The following ZNF10 variants were observed in gnomAD, a reference collection of about 807,000 sequenced individuals.
The protein encoded by ZNF10 is zinc finger protein 10.
Under a neutral mutation model 12.2 loss-of-function variants are expected in ZNF10, and 8 were observed. The observed-to-expected ratio is 0.66, with a 90% CI of 0.39 to 1.18. ZNF10 has a LOEUF of 1.18. ZNF10 is among the 50% of genes most tolerant of loss of function. ZNF10 has a pLI of 0.01. For missense variants in ZNF10, 603 were observed against 678.9 expected, an observed-to-expected ratio of 0.89 and a Z score of 1.24; for synonymous variants, 229 against 228.2, an observed-to-expected ratio of 1.00 and a Z score of -0.03.
intron 1 of ZNF10, among the ~76,000 whole-genome samples, chr12:133,137,856 C>G (rs1367211047): frequency 1.3e-5 from 2 of 152,180 alleles, no homozygotes; most frequent in Non-Finnish European, 2.9e-5. Flanking sequence ...AACAAAACTT[C>G]TCCCAGTATC....
chr12:133,145,375 A>T (rs924148247), intron 2 of ZNF10, among the ~76,000 whole-genome samples: 2 of 152,208 alleles, frequency 1.3e-5, no homozygotes, highest in Non-Finnish European at 2.9e-5. Context: ...ACTGCAGCAG[A>T]TGGCACTTCT....
At position 133,157,182 on chromosome 12, in the gene ZNF10, C is replaced by T. The variant is rs1187300524; in HGVS notation, c.*214C>T. The T allele has an allele frequency of 4.0e-5, 16 of 399,356 alleles. No individual in the cohort carries two copies. Among genetic ancestry groups the T allele is most frequent in the Non-Finnish European group, 5.5e-5 (13 of 236,336 alleles). 24.7% of individuals were successfully genotyped at this position (399,356 alleles called of 1,614,324 possible). A position where few individuals can be genotyped will look rare whatever the true frequency, so the allele number is the denominator to read the frequency against. ...ATTTTCTTCTTTTCATGAATTCCTA[C>T]AGAAGTAATTGGCCTGAGAGCATTC... On this transcript the variant is annotated 3_prime_UTR_variant, in exon 5 of 5. Transcript: ENST00000248211.
chr12:133,155,725 A>G lies in ZNF10; in HGVS notation c.479A>G (p.Gln160Arg). The G allele has an allele frequency of 1.9e-6, 3 of 1,612,058 alleles. No individual in the cohort carries two copies. Among genetic ancestry groups the G allele is most frequent in the African/African-American group, 1.3e-5 (1 of 74,922 alleles). The change falls in exon 5 of 5, where the codon CAG becomes CGG. Residue 160 changes from glutamine (Q) to arginine (R), a missense_variant. Physicochemically the swap from Gln to Arg is conservative, Grantham distance 43. This residue lies in a region of ZNF10 where 393 missense variants were observed against 399.7 expected (regional missense o/e 0.98). Transcript: ENST00000248211. ...VAFTQKKVLT[Q>R]ERVSESGKYG... ...TTCACCCAAAAGAAAGTACTTACTC[A>G]GGAGAGAGTCTCTGAAAGTGGTAAA... is the stretch of plus-strand genomic sequence containing the variant.
intron 4 of ZNF10, 24 bp from the exon 5 acceptor site, chr12:133,155,479 A>G: frequency 6.4e-7 from 1 of 1,556,474 alleles, no homozygotes; most frequent in Non-Finnish European, 8.6e-7. Context: ...GTTTAGTTAC[A>G]CAAACATTTT....
chr12:133,134,097 G>A (rs147226363), intron 1 of ZNF10, among the ~76,000 whole-genome samples: 1,564 of 147,734 alleles, frequency 0.011, 29 homozygotes, highest in African/African-American at 0.037. Context: ...TCAGGAGTTC[G>A]AGACCAGCCT....
In ZNF10 at chr12:133,156,548, G is replaced by A. The variant is rs770979495; in HGVS notation, c.1302G>A (p.Glu434=). The A allele has an allele frequency of 2.5e-6, 4 of 1,613,668 alleles. No homozygotes were observed. Among genetic ancestry groups the A allele is most frequent in the East Asian group, 4.5e-5 (2 of 44,884 alleles). ...HRIHTGLKPF[E]CKDCGKCFSR... is the part of the protein sequence containing the mutation. ...TTCACACTGGACTAAAACCTTTTGA[G>A]TGTAAGGATTGTGGAAAATGTTTTA... Residue 434 remains glutamate (E), a synonymous_variant, in exon 5 of 5, where the codon GAG becomes GAA. Coordinates refer to ENST00000248211, the MANE Select transcript of ZNF10 (RefSeq NM_015394.5).
In ZNF10 at chr12:133,151,164, G is replaced by T; in HGVS notation, c.160+10G>T. The stretch of plus-strand genomic sequence containing the variant: ...AACCTGGTTTCCTTGGGTAAGACTA[G>T]CTCTGTTTTTGAAGATTTTGGTTCT... On this transcript the variant is annotated intron_variant, in intron 3 of 4. Transcript: ENST00000248211. 1 of 1,607,090 alleles carries T rather than the reference G, an allele frequency of 6.2e-7. No homozygotes were observed. Among genetic ancestry groups the T allele is most frequent in the Non-Finnish European group, 8.5e-7 (1 of 1,175,780 alleles).
At chr12:133,148,229 T>G (rs1955987077) in intron 2 of ZNF10, among the ~76,000 whole-genome samples, 1 of 152,182 alleles carries the variant, frequency 6.6e-6, no homozygotes, top group South Asian at 2.1e-4. Flanking sequence ...GAAGCGATTC[T>G]CATGCCTCAG....
chr12:133,142,430 T>G lies in ZNF10; in HGVS notation c.-59-2004T>G, dbSNP rs996336078. Among the ~76,000 whole-genome samples, 188 of 85,438 alleles carry G rather than the reference T, an allele frequency of 2.2e-3. 1 individual carries two copies. The highest frequency in any genetic ancestry group is 6.4e-3 in the Middle Eastern group (1 of 156). 56.1% of individuals were successfully genotyped at this position (85,438 alleles called of 152,430 possible). ...GTCTCCAAAAAAAAAAAAAAAAAAG[T>G]GGGAGAAACTATTTGCAAATCATGT... On this transcript the variant is annotated intron_variant, in intron 1 of 4. Coordinates refer to ENST00000248211, the MANE Select transcript of ZNF10 (RefSeq NM_015394.5).
Position 133,151,106 on chromosome 12 carries a change from G to C in ZNF10, c.112G>C (p.Val38Leu), listed in dbSNP as rs370466960. ...GCTGCTGGACACTGCTCAGCAGATC[G>C]TGTACAGAAATGTGATGCTGGAGAA... Reference protein sequence around the residue: ...WKLLDTAQQIVYRNVMLENYK... With the variant: ...WKLLDTAQQILYRNVMLENYK... Residue 38 changes from valine (V) to leucine (L), a missense_variant, in exon 3 of 5, where the codon GTG becomes CTG. This residue lies in a region of ZNF10 where 393 missense variants were observed against 399.7 expected (regional missense o/e 0.98). Transcript: ENST00000248211. 1.9e-6 allele frequency: 3 copies of C among 1,613,860 alleles called. No individual in the cohort carries two copies. The highest frequency in any genetic ancestry group is 2.5e-6 in the Non-Finnish European group (3 of 1,179,780).
chr12:133,154,839 G>A (rs1235100166), intron 4 of ZNF10, among the ~76,000 whole-genome samples: 1 of 152,180 alleles, frequency 6.6e-6, no homozygotes, highest in Non-Finnish European at 1.5e-5. Flanking sequence ...CACTTTGGGA[G>A]GCTAAGGCGG....
At chr12:133,137,275 A>T (rs1051640070) in intron 1 of ZNF10, among the ~76,000 whole-genome samples, 3 of 152,180 alleles carry the variant, frequency 2.0e-5, no homozygotes, top group African/African-American at 7.2e-5. Context: ...AGCTACCCCT[A>T]GAAGAGCACT....
intron 2 of ZNF10, among the ~76,000 whole-genome samples, chr12:133,146,450 T>G (rs1955976645): frequency 6.6e-6 from 1 of 152,202 alleles, no homozygotes; most frequent in Admixed American, 6.5e-5. Context: ...GGACATTCCA[T>G]TTAAAATTTT....
chr12:133,155,502 G>T lies in ZNF10; in HGVS notation c.257-1G>T, dbSNP rs1226127171. On this transcript the variant is annotated splice_acceptor_variant, in intron 4 of 4. Coordinates refer to ENST00000248211, the MANE Select transcript of ZNF10 (RefSeq NM_015394.5). LOFTEE classifies it high-confidence loss of function. ...ACACAAACATTTTTCATTTCTTTCA[G>T]ATTCAGAGACTGCATTTGAAATCAA... 6.3e-7 allele frequency: 1 copy of T among 1,578,108 alleles called. No individual in the cohort carries two copies. Among genetic ancestry groups the T allele is most frequent in the Non-Finnish European group, 8.6e-7 (1 of 1,166,462 alleles).
At chr12:133,141,244 T>C (rs1028571065) in intron 1 of ZNF10, among the ~76,000 whole-genome samples, 8 of 152,100 alleles carry the variant, frequency 5.3e-5, no homozygotes, top group African/African-American at 7.2e-5. Context: ...AACCTAACCA[T>C]CCTAAAACAA....
At chr12:133,134,365 C>T (rs914571683) in intron 1 of ZNF10, among the ~76,000 whole-genome samples, 7 of 151,714 alleles carry the variant, frequency 4.6e-5, no homozygotes, top group African/African-American at 1.7e-4. Context: ...GGAAATATAA[C>T]CATGAAAGAA....
rs1366684714 is a variant in ZNF10 at position 133,156,124 on chromosome 12, A to G, written c.878A>G (p.Tyr293Cys). Reference sequence around the variant, plus strand: ...CTTATTCATACTGGAGAAAAACCCTATGAGTGTAAAGAATGTGGAAAGTCT... The same window carrying G: ...CTTATTCATACTGGAGAAAAACCCTGTGAGTGTAAAGAATGTGGAAAGTCT... ...HQLIHTGEKP[Y>C]ECKECGKSFS... Residue 293 changes from tyrosine to cysteine, a missense_variant, in exon 5 of 5, where the codon TAT becomes TGT. Transcript: ENST00000248211. 10 of 1,613,538 alleles carry G rather than the reference A, an allele frequency of 6.2e-6. No individual in the cohort carries two copies. Among genetic ancestry groups the G allele is most frequent in the Non-Finnish European group, 7.6e-6 (9 of 1,180,022 alleles).
chr12:133,134,219 A>G (rs1955898146), intron 1 of ZNF10, among the ~76,000 whole-genome samples: 1 of 151,778 alleles, frequency 6.6e-6, no homozygotes, highest in South Asian at 2.1e-4. Flanking sequence ...AGGCTGTGGC[A>G]GGAGAATCAC....
intron 1 of ZNF10, among the ~76,000 whole-genome samples, chr12:133,142,629 A>G (rs1955952629): frequency 6.6e-6 from 1 of 152,184 alleles, no homozygotes; most frequent in South Asian, 2.1e-4. Context: ...GGGAAATGTA[A>G]AAACTACAAT....
Sources: gnomAD v4.1 joint callset for allele counts (sites outside exome capture counted in the v4.1 genomes callset) on GRCh38, gnomAD v4.1.1 for gene constraint, gnomAD v4.1.1 regional missense constraint, MANE v1.5 for transcripts, NCBI Gene and HGNC (gene_info 2026-07-23, HGNC 2026-07-21) for gene names.